HIP1: variants seen among roughly 807,000 people sequenced by gnomAD.
The protein encoded by HIP1 is huntingtin-interacting protein 1.
HIP1 carries 65 observed loss-of-function variants against 147.6 expected under a neutral mutation model. The observed-to-expected ratio is 0.44, with a 90% CI of 0.36 to 0.54. The LOEUF is 0.54. Among genes scored for constraint, HIP1 ranks in the 20% least tolerant of loss-of-function variants. The pLI, the probability that HIP1 is intolerant of heterozygous loss-of-function variation, is 0.00. For synonymous variants in HIP1, 479 were observed against 504.0 expected (o/e 0.95, Z 0.67); for missense variants, 1,061 against 1,299.6 (o/e 0.82, Z 2.82).
At position 75,535,829 on chromosome 7, in the gene HIP1, A is replaced by G; in HGVS notation, c.*2343T>C. On this transcript the variant is annotated 3_prime_UTR_variant, in exon 31 of 31. Transcript: ENST00000336926. ...GGGGTTCAGGTGATTCTCCTGTCTC[A>G]GCCTCCTGAGTAGCTGGGATTACGG... is the stretch of plus-strand genomic sequence containing the variant. The G allele has an allele frequency of 5.9e-6, 1 of 170,896 alleles. No homozygotes were observed. Among genetic ancestry groups the G allele is most frequent in the Non-Finnish European group, 1.3e-5 (1 of 78,962 alleles). 10.6% of individuals were successfully genotyped at this position (170,896 alleles called of 1,614,324 possible).
At chr7:75,581,335 C>T (rs782807420) in intron 6 of HIP1, 37 bp from the exon 7 acceptor site, 1 of 1,554,676 alleles carries the variant, frequency 6.4e-7, no homozygotes, top group African/African-American at 1.4e-5. Context: ...CACTCCACAG[C>T]CTGAGGCCGG....
Position 75,536,313 on chromosome 7 carries a change from C to A in HIP1, c.*1859G>T, listed in dbSNP as rs1001677825. ...TCCTGGGAGAGAGTTTTTTGAATGT[C>A]CCACTTAGAAAATGCACAGAGAGGG... On this transcript the variant is annotated 3_prime_UTR_variant, in exon 31 of 31. Transcript: ENST00000336926. 5.0e-6 allele frequency: 1 copy of A among 200,134 alleles called. No individual in the cohort carries two copies. The highest frequency in any genetic ancestry group is 9.7e-6 in the Non-Finnish European group (1 of 103,164). The allele number at this position is 200,134 out of a possible 1,614,324, so 12.4% of individuals were successfully genotyped here.
Position 75,555,510 on chromosome 7 carries a change from A to G in HIP1, c.1869T>C (p.Leu623=). 6.2e-7 allele frequency: 1 copy of G among 1,614,216 alleles called. No homozygotes were observed. The highest frequency in any genetic ancestry group is 8.5e-7 in the Non-Finnish European group (1 of 1,180,030). The stretch of plus-strand genomic sequence containing the variant: ...CCGCAGCCTTCCTGGACCCCACCAG[A>G]AGCATTTTTCGTTGGTCTTTGGCAA... The part of the protein sequence containing the change: ...CQLAKDQRKM[L]LVGSRKAAEQ... Residue 623 remains leucine, a synonymous_variant, in exon 19 of 31, where the codon CTT becomes CTC. Transcript: ENST00000336926.
intron 1 of HIP1, among the ~76,000 whole-genome samples, chr7:75,735,784 G>T (rs1240793922): frequency 6.6e-6 from 1 of 151,432 alleles, no homozygotes; most frequent in Non-Finnish European, 1.5e-5. Context: ...TCTGCCTCCC[G>T]GGCTCAAGCA....
intron 13 of HIP1, among the ~76,000 whole-genome samples, chr7:75,560,901 T>C (rs1475988480): frequency 6.6e-6 from 1 of 151,846 alleles, no homozygotes; most frequent in Non-Finnish European, 1.5e-5. Flanking sequence ...GGCTTGTTTC[T>C]ACTAATTAAC....
At chr7:75,636,227 T>G (rs1798424274) in intron 1 of HIP1, among the ~76,000 whole-genome samples, 1 of 151,424 alleles carries the variant, frequency 6.6e-6, no homozygotes, top group South Asian at 2.1e-4. Flanking sequence ...GGCGCGCGCC[T>G]GTAGTCCCAG....
intron 1 of HIP1, among the ~76,000 whole-genome samples, chr7:75,621,634 G>A (rs1449655621): frequency 6.6e-6 from 1 of 152,188 alleles, no homozygotes; most frequent in South Asian, 2.1e-4. Flanking sequence ...AGAACAGACT[G>A]CAGGGACCAG....
chr7:75,622,885 CTATCTATCTATA>C (rs1175316726), intron 1 of HIP1, among the ~76,000 whole-genome samples: 69 of 127,216 alleles, frequency 5.4e-4, no homozygotes, highest in Non-Finnish European at 8.4e-4. Context: ...ATCTATCTAT[CTATCTATCTATA>C]TATTTTTTAA....
At chr7:75,589,756 A>C (rs1554500343) in intron 4 of HIP1, among the ~76,000 whole-genome samples, 2 of 146,932 alleles carry the variant, frequency 1.4e-5, no homozygotes, top group African/African-American at 5.0e-5. Flanking sequence ...TTTGAGACGA[A>C]GTCTCTCTCT....
At chr7:75,589,160 AAAAAG>A in intron 4 of HIP1, among the ~76,000 whole-genome samples, 1 of 152,032 alleles carries the variant, frequency 6.6e-6, no homozygotes, top group Non-Finnish European at 1.5e-5. Flanking sequence ...TAAAAAAAAA[AAAAAG>A]AAGAAGAAGA....
chr7:75,737,473 T>C (rs782464705), intron 1 of HIP1, among the ~76,000 whole-genome samples: 3 of 152,134 alleles, frequency 2.0e-5, no homozygotes, highest in Non-Finnish European at 2.9e-5. Flanking sequence ...GCCTCCCAAG[T>C]AGCTGGGATT....
At chr7:75,728,610 AG>A (rs782286650) in intron 1 of HIP1, among the ~76,000 whole-genome samples, 1 of 152,186 alleles carries the variant, frequency 6.6e-6, no homozygotes, top group Non-Finnish European at 1.5e-5. Context: ...GAAGTGCCAG[AG>A]GGGGAACCCT....
intron 1 of HIP1, among the ~76,000 whole-genome samples, chr7:75,738,425 C>T (rs1186346948): frequency 4.6e-5 from 7 of 152,170 alleles, no homozygotes; most frequent in Non-Finnish European, 7.4e-5. Flanking sequence ...CGCCCCCACA[C>T]TTGAGCCTCC....
At chr7:75,715,456 CACAG>C (rs373021330) in intron 1 of HIP1, among the ~76,000 whole-genome samples, 9,157 of 143,410 alleles carry the variant, frequency 0.064, 341 homozygotes, top group Non-Finnish European at 0.092. Context: ...GAGAGACACA[CACAG>C]AGAGAGAGAG....
chr7:75,624,526 A>G (rs1411438073), intron 1 of HIP1, among the ~76,000 whole-genome samples: 2 of 152,112 alleles, frequency 1.3e-5, no homozygotes, highest in African/African-American at 4.8e-5. Context: ...AGCCCCACCG[A>G]AGCCTCCAGG....
chr7:75,545,805 G>A (rs782384071), intron 25 of HIP1, among the ~76,000 whole-genome samples: 9 of 151,814 alleles, frequency 5.9e-5, no homozygotes, highest in East Asian at 1.9e-4. Context: ...TTAGCTGGGC[G>A]TGGTGTGTGC....
In HIP1 at chr7:75,586,741, G is replaced by A. The variant is rs113911316; in HGVS notation, c.465+12C>T. ...GGCGGCGGTGGCGGCAGAACTGTCC[G>A]CAGAGACTCACTTTGGTGTGGTACT... On this transcript the variant is annotated intron_variant, in intron 5 of 30. Coordinates refer to ENST00000336926, the MANE Select transcript of HIP1 (RefSeq NM_005338.7). 8.2e-6 allele frequency: 13 copies of A among 1,585,170 alleles called. No individual in the cohort carries two copies. The highest frequency in any genetic ancestry group is 4.0e-5 in the African/African-American group (3 of 74,246).
chr7:75,683,151 T>G (rs1649161003), intron 1 of HIP1, among the ~76,000 whole-genome samples: 1 of 151,896 alleles, frequency 6.6e-6, no homozygotes, highest in South Asian at 2.1e-4. Context: ...CCAGCTAATT[T>G]TTGTATTTTT....
intron 1 of HIP1, among the ~76,000 whole-genome samples, chr7:75,727,421 T>A (rs896327238): frequency 4.0e-5 from 6 of 151,726 alleles, no homozygotes; most frequent in African/African-American, 9.7e-5. Flanking sequence ...TTTTTTTTTT[T>A]AAAGTTTTTT....
Sources: allele counts gnomAD v4.1 joint callset (sites outside exome capture counted in the v4.1 genomes callset), GRCh38; gene constraint gnomAD v4.1.1; transcripts MANE v1.5; gene names NCBI Gene and HGNC (gene_info 2026-07-23, HGNC 2026-07-21).